SAMD4A: variants seen among roughly 807,000 people sequenced by gnomAD.
The protein encoded by SAMD4A is sterile alpha motif domain containing 4A.
SAMD4A carries 33 observed loss-of-function variants against 81.3 expected under a neutral mutation model. That is an observed-to-expected ratio of 0.41 (90% CI 0.31 to 0.54). The LOEUF is 0.54. SAMD4A is among the 20% of genes least tolerant of loss of function. The probability of loss-of-function intolerance (pLI) is 0.37; values close to 1 mark genes in which losing one functional copy is unlikely to be tolerated. For synonymous variants in SAMD4A, 389 were observed against 382.1 expected (o/e 1.02, Z -0.21); for missense variants, 854 against 951.1 (o/e 0.90, Z 1.34).
In SAMD4A at chr14:54,760,471, A is replaced by C; in HGVS notation, c.1487A>C (p.Gln496Pro). 1 of 1,411,450 alleles carries C rather than the reference A, an allele frequency of 7.1e-7. No homozygotes were observed. The highest frequency in any genetic ancestry group is 1.6e-5 in the South Asian group (1 of 63,240). The allele number at this position is 1,411,450 out of a possible 1,614,324, so 87.4% of individuals were successfully genotyped here. The change falls in exon 7 of 13, where the codon CAG becomes CCG. Residue 496 changes from glutamine (Q) to proline (P), a missense_variant. Physicochemically the swap from Gln to Pro is moderately conservative, Grantham distance 76 (BLOSUM62 -1). Coordinates refer to ENST00000554335, the MANE Select transcript of SAMD4A (RefSeq NM_015589.6). ...CTGCCAGAGGGGGACCTCCCCGGGC[A>C]GTTCACACGCGTCATGGGGAAAGGT... ...APLPEGDLPG[Q>P]FTRVMGKVCT...
intron 2 of SAMD4A, among the ~76,000 whole-genome samples, chr14:54,646,687 GT>G (rs2035294686): frequency 1.3e-5 from 2 of 152,220 alleles, no homozygotes; most frequent in Non-Finnish European, 2.9e-5. Context: ...TGGACTGTTT[GT>G]GCCTATTTCA....
chr14:54,737,414 A>G (rs560868552), intron 4 of SAMD4A, 127 bp downstream of exon 4: 1 of 1,119,544 alleles, frequency 8.9e-7, no homozygotes, highest in African/African-American at 1.6e-5. Context: ...TACGCATTTG[A>G]TCTGTCCCTT....
intron 2 of SAMD4A, among the ~76,000 whole-genome samples, chr14:54,607,254 A>ATG (rs10643477): frequency 0.74 from 112,907 of 151,822 alleles, 42,180 homozygotes; most frequent in East Asian, 0.85. Flanking sequence ...GAAGTTCCTC[A>ATG]TGTGAGATCG....
chr14:54,593,603 G>A (rs1174953052), intron 2 of SAMD4A, among the ~76,000 whole-genome samples: 1 of 152,126 alleles, frequency 6.6e-6, no homozygotes, highest in African/African-American at 2.4e-5. Flanking sequence ...TTACCCTATG[G>A]AAAATGATTT....
intron 2 of SAMD4A, among the ~76,000 whole-genome samples, chr14:54,677,112 A>G (rs976973627): frequency 1.3e-5 from 2 of 152,230 alleles, no homozygotes; most frequent in African/African-American, 2.4e-5. Flanking sequence ...AAGACACCCA[A>G]AGAAGAAAAT....
intron 2 of SAMD4A, among the ~76,000 whole-genome samples, chr14:54,602,798 A>T (rs991098346): frequency 2.3e-4 from 2 of 8,640 alleles, no homozygotes; most frequent in Non-Finnish European, 2.3e-4. Context: ...AAGTATAATT[A>T]AAAAAAAAAA....
At chr14:54,774,652 CA>C (rs1286823182) in intron 9 of SAMD4A, among the ~76,000 whole-genome samples, 38 of 133,976 alleles carry the variant, frequency 2.8e-4, no homozygotes, top group Non-Finnish European at 2.9e-4. Context: ...CCATCTCTAC[CA>C]AAAAAAAAAA....
intron 2 of SAMD4A, among the ~76,000 whole-genome samples, chr14:54,657,430 T>C (rs1426210494): frequency 6.6e-6 from 1 of 152,250 alleles, no homozygotes; most frequent in Non-Finnish European, 1.5e-5. Flanking sequence ...GAATTAACGA[T>C]GTAATTGGGC....
upstream of SAMD4A, among the ~76,000 whole-genome samples, chr14:54,566,876 C>T (rs1458111084): frequency 1.3e-5 from 2 of 152,124 alleles, no homozygotes; most frequent in East Asian, 3.9e-4. Flanking sequence ...TGCGCCGCCG[C>T]CCGCTGGGCG....
At chr14:54,782,614 C>T (rs1268298538) in intron 11 of SAMD4A, among the ~76,000 whole-genome samples, 1 of 152,218 alleles carries the variant, frequency 6.6e-6, no homozygotes, top group Non-Finnish European at 1.5e-5. Context: ...GCACGGTTGT[C>T]TTCCAAACCC....
chr14:54,699,909 T>C (rs1319447809), intron 2 of SAMD4A, among the ~76,000 whole-genome samples: 1 of 151,786 alleles, frequency 6.6e-6, no homozygotes, highest in Non-Finnish European at 1.5e-5. Context: ...CTGCTTCGGT[T>C]TGGAGACTTC....
intron 3 of SAMD4A, among the ~76,000 whole-genome samples, chr14:54,722,165 T>C (rs1299448077): frequency 6.6e-6 from 1 of 152,186 alleles, no homozygotes; most frequent in Non-Finnish European, 1.5e-5. Context: ...TAAACAATAC[T>C]TCACATCAAT....
intron 8 of SAMD4A, among the ~76,000 whole-genome samples, chr14:54,765,381 G>A (rs1051747926): frequency 6.6e-6 from 1 of 152,050 alleles, no homozygotes; most frequent in Non-Finnish European, 1.5e-5. Context: ...CCCACACTTT[G>A]GGAGGCCGAG....
intron 2 of SAMD4A, among the ~76,000 whole-genome samples, chr14:54,679,692 T>C (rs953448369): frequency 2.6e-5 from 4 of 152,166 alleles, no homozygotes; most frequent in Non-Finnish European, 5.9e-5. Flanking sequence ...TTGTGTATTT[T>C]TAATAGGAGG....
At chr14:54,708,677 C>A (rs1945305246) in intron 3 of SAMD4A, among the ~76,000 whole-genome samples, 1 of 152,046 alleles carries the variant, frequency 6.6e-6, no homozygotes, top group Admixed American at 6.5e-5. Context: ...AGTGTGTGTG[C>A]CTTACAAAGC....
chr14:54,706,738 C>T (rs1221981258), intron 3 of SAMD4A, among the ~76,000 whole-genome samples: 13 of 151,804 alleles, frequency 8.6e-5, no homozygotes, highest in South Asian at 8.3e-4. Context: ...GGTAGGAATA[C>T]GCACTGAGAG....
intron 3 of SAMD4A, among the ~76,000 whole-genome samples, chr14:54,713,583 A>G (rs2037045589): frequency 6.6e-6 from 1 of 152,226 alleles, no homozygotes; most frequent in Non-Finnish European, 1.5e-5. Flanking sequence ...GGCTAGAGCT[A>G]GACAGTGAAG....
chr14:54,787,347 CT>C, intron 12 of SAMD4A, among the ~76,000 whole-genome samples: 1 of 152,200 alleles, frequency 6.6e-6, no homozygotes, highest in African/African-American at 2.4e-5. Flanking sequence ...GCATGTGAAC[CT>C]ACAGTTATCT....
intron 2 of SAMD4A, among the ~76,000 whole-genome samples, chr14:54,621,186 A>G (rs549687663): frequency 2.0e-5 from 3 of 152,290 alleles, no homozygotes; most frequent in South Asian, 4.1e-4. Context: ...TTCCTTTCCA[A>G]CTTTTCAAAT....
Sources: gnomAD v4.1 joint callset for allele counts (sites outside exome capture counted in the v4.1 genomes callset) on GRCh38, gnomAD v4.1.1 for gene constraint, MANE v1.5 for transcripts, NCBI Gene and HGNC (gene_info 2026-07-23, HGNC 2026-07-21) for gene names.